SLC68A1: variants seen among roughly 807,000 people sequenced by gnomAD.
SLC68A1 encodes major facilitator superfamily domain containing 13A.
the SLC68A1 span, among the ~76,000 whole-genome samples, chr10:102,464,267 G>A: frequency 2.6e-5 from 4 of 151,802 alleles, no homozygotes; most frequent in Admixed American, 6.6e-5. Flanking sequence ...CCTGGCCAAC[G>A]TGGCGAAACC....
At chr10:102,474,865 C>T in the SLC68A1 span, among the ~76,000 whole-genome samples, 3,807 of 150,892 alleles carry the variant, frequency 0.025, 65 homozygotes, top group Admixed American at 0.048. Context: ...CCAGGCTGGT[C>T]TCAAACTCCT....
the SLC68A1 span, chr10:102,468,404 A>G: frequency 6.6e-6 from 1 of 152,380 alleles, no homozygotes; most frequent in African/African-American, 2.4e-5. Flanking sequence ...GCAATTTAAG[A>G]AGACAATGAG....
the SLC68A1 span, among the ~76,000 whole-genome samples, chr10:102,465,124 G>A: frequency 6.6e-6 from 1 of 151,994 alleles, no homozygotes; most frequent in Admixed American, 6.6e-5. Flanking sequence ...CGAGTGTGGT[G>A]GCGTGCGCCT....
the SLC68A1 span, chr10:102,471,192 C>T: frequency 2.5e-6 from 4 of 1,599,080 alleles, no homozygotes; most frequent in Non-Finnish European, 2.6e-6. Flanking sequence ...GGGTCCCCGG[C>T]TGATGGGGGC....
the SLC68A1 span, chr10:102,472,864 G>A: frequency 1.2e-6 from 2 of 1,614,106 alleles, no homozygotes; most frequent in Non-Finnish European, 1.7e-6. Context: ...GTCTTCCACT[G>A]CCACTTCAAC....
the SLC68A1 span, among the ~76,000 whole-genome samples, chr10:102,462,293 C>A: frequency 6.6e-6 from 1 of 152,114 alleles, no homozygotes; most frequent in Non-Finnish European, 1.5e-5. Context: ...TTCATTTGTT[C>A]ATTTGGTATT....
the SLC68A1 span, among the ~76,000 whole-genome samples, chr10:102,469,631 C>T: frequency 6.6e-6 from 1 of 151,750 alleles, no homozygotes; most frequent in East Asian, 1.9e-4. Context: ...ACTGCAACCT[C>T]CGCCTTCGTG....
At chr10:102,475,465 G>C in the SLC68A1 span, among the ~76,000 whole-genome samples, 1 of 152,106 alleles carries the variant, frequency 6.6e-6, no homozygotes, top group Admixed American at 6.6e-5. Flanking sequence ...TGAAGGATTG[G>C]GTGTTGGGGA....
chr10:102,471,495 C>T, the SLC68A1 span: 3 of 1,513,496 alleles, frequency 2.0e-6, no homozygotes, highest in Non-Finnish European at 2.7e-6. Flanking sequence ...CATGGTGGCT[C>T]ATGCCTGTAG....
the SLC68A1 span, chr10:102,476,142 C>T: frequency 7.9e-7 from 1 of 1,257,882 alleles, no homozygotes; most frequent in Non-Finnish European, 1.0e-6. Flanking sequence ...GCAATCTGGG[C>T]TCACTGAAAC....
the SLC68A1 span, chr10:102,473,804 C>A: frequency 1.2e-6 from 2 of 1,607,956 alleles, no homozygotes; most frequent in East Asian, 2.2e-5. Flanking sequence ...TGCCTGCTCT[C>A]TCCCTCTACT....
At chr10:102,468,934 C>T in the SLC68A1 span, 1 of 1,058,890 alleles carries the variant, frequency 9.4e-7, no homozygotes. Flanking sequence ...CCCTGTTGCT[C>T]ACTGGTTCCT....
chr10:102,475,783 G>A, the SLC68A1 span: 10 of 1,613,776 alleles, frequency 6.2e-6, no homozygotes, highest in East Asian at 1.8e-4. Flanking sequence ...CCTGGCCAGA[G>A]CCCCCAGCTC....
the SLC68A1 span, chr10:102,473,667 C>G: frequency 1.5e-5 from 24 of 1,614,024 alleles, no homozygotes; most frequent in Non-Finnish European, 2.0e-5. Flanking sequence ...TCTTCCTGCT[C>G]AAGCTGGGAC....
At chr10:102,469,247 C>T in the SLC68A1 span, 1 of 1,594,686 alleles carries the variant, frequency 6.3e-7, no homozygotes, top group Middle Eastern at 1.7e-4. Context: ...GGGGTGGAGA[C>T]TAGAGGCTGC....
the SLC68A1 span, chr10:102,472,163 T>TA: frequency 2.7e-6 from 1 of 366,824 alleles, no homozygotes; most frequent in Admixed American, 3.4e-5. Flanking sequence ...GCTCCATCTC[T>TA]AAAAAAAGAA....
chr10:102,471,021 C>G, the SLC68A1 span: 1 of 1,613,622 alleles, frequency 6.2e-7, no homozygotes, highest in Admixed American at 1.7e-5. Context: ...GCTGTCAGCT[C>G]TGGGCTGGGC....
chr10:102,475,247 G>T, the SLC68A1 span, among the ~76,000 whole-genome samples: 1 of 151,812 alleles, frequency 6.6e-6, no homozygotes, highest in Admixed American at 6.6e-5. Flanking sequence ...AGTGAGTGGA[G>T]ATCGTGCTAC....
At chr10:102,470,031 C>G in the SLC68A1 span, 1 of 1,614,148 alleles carries the variant, frequency 6.2e-7, no homozygotes. Context: ...ATGACCCCCT[C>G]TTCGGTTGGC....
Sources: gnomAD v4.1 joint callset for allele counts (sites outside exome capture counted in the v4.1 genomes callset) on GRCh38, gnomAD v4.1.1 for gene constraint, MANE v1.5 for transcripts, NCBI Gene and HGNC (gene_info 2026-07-23, HGNC 2026-07-21) for gene names.